Variants in DZIP1L observed in about 807,000 individuals in gnomAD.
DZIP1L encodes DAZ interacting zinc finger protein 1 like.
DZIP1L carries 90 observed loss-of-function variants against 88.7 expected under a neutral mutation model. The ratio of observed to expected loss-of-function variants is 1.02; its 90% CI spans 0.86 to 1.21. The LOEUF is 1.21. Among genes scored for constraint, DZIP1L ranks in the 50% most tolerant of loss-of-function variants. The pLI is 0.00. For missense variants in DZIP1L, 932 were observed against 955.8 expected (o/e 0.98, Z 0.33); for synonymous variants, 363 against 372.1 (o/e 0.98, Z 0.28).
intron 15 of DZIP1L, among the ~76,000 whole-genome samples, chr3:138,064,196 G>A (rs949495463): frequency 1.2e-4 from 19 of 152,216 alleles, no homozygotes; most frequent in Middle Eastern, 3.4e-3. Flanking sequence ...TGTGCTATGC[G>A]AGGCCACTCC....
At chr3:138,083,605 G>A (rs1943774031) in intron 8 of DZIP1L, among the ~76,000 whole-genome samples, 1 of 152,194 alleles carries the variant, frequency 6.6e-6, no homozygotes, top group Non-Finnish European at 1.5e-5. Context: ...GTTCATTTGT[G>A]AAAAAGGTAC....
chr3:138,079,663 T>A (rs759423032), intron 10 of DZIP1L, among the ~76,000 whole-genome samples: 3 of 152,194 alleles, frequency 2.0e-5, no homozygotes, highest in Non-Finnish European at 4.4e-5. Context: ...GGAAACTGGA[T>A]AGCTGGGCAG....
At chr3:138,103,001 A>G (rs766175492) in intron 2 of DZIP1L, 87 of 459,806 alleles carry the variant, frequency 1.9e-4, no homozygotes, top group Non-Finnish European at 3.2e-4. Context: ...GGTCACTAAC[A>G]CTATTAATAC....
intron 12 of DZIP1L, among the ~76,000 whole-genome samples, chr3:138,070,443 T>C (rs546396096): frequency 6.6e-5 from 10 of 152,192 alleles, no homozygotes; most frequent in Admixed American, 2.0e-4. Flanking sequence ...AAGTTTAAAC[T>C]AAATATTATA....
Position 138,080,882 on chromosome 3 carries a change from C to T in DZIP1L, c.1235-262G>A, listed in dbSNP as rs571853387. On this transcript the variant is annotated intron_variant, in intron 9 of 15. Transcript: ENST00000327532. ...AGCCTGGGTTTCCCCATCTAGAAAACGAGGATAATTCAATAGTGAGCCATG... is the reference window on the plus strand; with the variant it reads ...AGCCTGGGTTTCCCCATCTAGAAAATGAGGATAATTCAATAGTGAGCCATG... 2.8e-4 allele frequency among the ~76,000 whole-genome samples: 42 copies of T among 152,256 alleles called. No homozygotes were observed. The South Asian group carries it at 4.8e-3, about 17-fold the overall frequency.
intron 1 of DZIP1L, among the ~76,000 whole-genome samples, chr3:138,110,048 C>T (rs1054124661): frequency 5.3e-5 from 8 of 152,114 alleles, no homozygotes; most frequent in Non-Finnish European, 1.2e-4. Context: ...CAAACATGCA[C>T]GTTCTGCACA....
rs758357681 is a variant in DZIP1L, at chr3:138,092,517, T to C, written c.736A>G (p.Ile246Val). The change falls in exon 5 of 16, where the codon ATA becomes GTA. Residue 246 changes from isoleucine (I) to valine (V), a missense_variant. Physicochemically the swap from Ile to Val is conservative, Grantham distance 29 (BLOSUM62 3). Transcript: ENST00000327532. The part of the protein sequence containing the change: ...QEAELIHQRE[I>V]EAKKEFDKWK... ...TTATCAAATTCTTTCTTAGCTTCTA[T>C]TTCCCTCTGATGAATGAGCTCTGCT... is the stretch of plus-strand genomic sequence containing the variant. 1.1e-5 allele frequency: 17 copies of C among 1,599,312 alleles called. 1 individual carries two copies. In the Admixed American group the frequency reaches 2.8e-4, roughly 27 times the overall value.
chr3:138,077,029 A>G (rs1178509282), intron 11 of DZIP1L, among the ~76,000 whole-genome samples: 2 of 152,188 alleles, frequency 1.3e-5, no homozygotes, highest in African/African-American at 4.8e-5. Flanking sequence ...TTCTCAAAAA[A>G]AAAAACAAAT....
intron 11 of DZIP1L, among the ~76,000 whole-genome samples, chr3:138,075,499 G>A (rs1362044413): frequency 6.6e-6 from 1 of 152,190 alleles, no homozygotes; most frequent in African/African-American, 2.4e-5. Context: ...AACTCCAAAA[G>A]AAACCCTCAA....
chr3:138,100,030 CTT>C (rs761034387), intron 2 of DZIP1L, among the ~76,000 whole-genome samples: 25 of 144,006 alleles, frequency 1.7e-4, no homozygotes, highest in Admixed American at 2.1e-4. Context: ...AACCCCCATC[CTT>C]TTTTTTTTTT....
chr3:138,072,981 A>G (rs1943248973), intron 11 of DZIP1L, among the ~76,000 whole-genome samples: 1 of 152,110 alleles, frequency 6.6e-6, no homozygotes, highest in African/African-American at 2.4e-5. Flanking sequence ...TGGACTGGGA[A>G]CACACCCTCA....
chr3:138,097,259 C>G (rs762200130), intron 3 of DZIP1L, among the ~76,000 whole-genome samples: 3 of 151,884 alleles, frequency 2.0e-5, no homozygotes, highest in Non-Finnish European at 4.4e-5. Flanking sequence ...TACAGCCTTG[C>G]TCCTCATTTT....
chr3:138,082,930 G>A (rs531097226), intron 8 of DZIP1L, among the ~76,000 whole-genome samples: 14 of 152,160 alleles, frequency 9.2e-5, no homozygotes, highest in Admixed American at 2.0e-4. Flanking sequence ...AAAGTGAAGC[G>A]GTAAACAAAA....
intron 7 of DZIP1L, among the ~76,000 whole-genome samples, chr3:138,086,136 T>C (rs1382792188): frequency 4.0e-5 from 6 of 151,780 alleles, no homozygotes; most frequent in Non-Finnish European, 7.4e-5. Flanking sequence ...AGGGATAGCA[T>C]TAGGAGATAT....
chr3:138,106,441 G>A (rs947617758), intron 1 of DZIP1L, among the ~76,000 whole-genome samples: 7 of 151,468 alleles, frequency 4.6e-5, no homozygotes, highest in African/African-American at 1.5e-4. Context: ...CCCGGCCCAT[G>A]ATTCAGACTT....
At position 138,104,004 on chromosome 3, in the gene DZIP1L, G is replaced by C. The variant is rs1200746644; in HGVS notation, c.-33C>G. ...GGAAGCCCTGAGCTGACCACCAGAGGAGGGGGGCACCAAGGCCACGGCAGT... is the reference window on the plus strand; with the variant it reads ...GGAAGCCCTGAGCTGACCACCAGAGCAGGGGGGCACCAAGGCCACGGCAGT... On this transcript the variant is annotated 5_prime_UTR_variant, in exon 2 of 16. Coordinates refer to ENST00000327532, the MANE Select transcript of DZIP1L (RefSeq NM_173543.3). The C allele has an allele frequency of 6.3e-7, 1 of 1,582,332 alleles. No homozygotes were observed. The highest frequency in any genetic ancestry group is 8.5e-7 in the Non-Finnish European group (1 of 1,169,794).
intron 12 of DZIP1L, among the ~76,000 whole-genome samples, chr3:138,071,303 C>T (rs1164787552): frequency 2.0e-5 from 3 of 152,182 alleles, no homozygotes; most frequent in African/African-American, 7.2e-5. Flanking sequence ...GTTGAAGAGA[C>T]ACTCAACTGT....
In DZIP1L at chr3:138,063,022, G is replaced by A. The variant is rs1486873351; in HGVS notation, c.2143-45C>T. 5 of 1,604,044 alleles carry A rather than the reference G, an allele frequency of 3.1e-6. No individual in the cohort carries two copies. Among genetic ancestry groups the A allele is most frequent in the Non-Finnish European group, 4.2e-6 (5 of 1,176,538 alleles). ...GAAGAAAATGCATTTTGATAAGGGA[G>A]GAGGGTGGCTGAGAGCTAAGCACAT... On this transcript the variant is annotated intron_variant, in intron 15 of 15. Coordinates refer to ENST00000327532, the MANE Select transcript of DZIP1L (RefSeq NM_173543.3). The surrounding 1 kb of genome is among the most constrained non-coding windows in gnomAD (Gnocchi z 4.1).
intron 1 of DZIP1L, among the ~76,000 whole-genome samples, chr3:138,106,939 G>T (rs2042512819): frequency 6.6e-6 from 1 of 152,058 alleles, no homozygotes; most frequent in Non-Finnish European, 1.5e-5. Flanking sequence ...CTGAGCCACT[G>T]TCTTCTTCTG....
Sources: gnomAD v4.1 joint callset for allele counts (sites outside exome capture counted in the v4.1 genomes callset) on GRCh38, gnomAD v4.1.1 for gene constraint, Gnocchi (gnomAD v3.1) non-coding constraint, MANE v1.5 for transcripts, NCBI Gene and HGNC (gene_info 2026-07-23, HGNC 2026-07-21) for gene names.